SV2B: variants seen among roughly 807,000 people sequenced by gnomAD.
The protein encoded by SV2B is synaptic vesicle glycoprotein 2B, also known as solute carrier family 22 member B2.
Under a neutral mutation model 73.9 loss-of-function variants are expected in SV2B, and 41 were observed. The observed-to-expected ratio is 0.56, with a 90% confidence interval of 0.43 to 0.72. SV2B has a LOEUF of 0.72. SV2B is among the 30% of genes least tolerant of loss of function. The pLI is 0.00. For synonymous variants in SV2B, 314 were observed against 314.2 expected (o/e 1.00, Z 0.01); for missense variants, 764 against 857.8 (o/e 0.89, Z 1.37).
At chr15:91,276,761 T>C (rs553501943) in intron 9 of SV2B, among the ~76,000 whole-genome samples, 2 of 150,820 alleles carry the variant, frequency 1.3e-5, no homozygotes, top group Admixed American at 6.6e-5. Context: ...ATAATTATAT[T>C]AAATTCCCTG....
Position 91,281,752 on chromosome 15 carries a change from T to C in SV2B, c.1398T>C (p.His466=), listed in dbSNP as rs979086158. 1.9e-6 allele frequency: 3 copies of C among 1,611,442 alleles called. No individual in the cohort carries two copies. Among genetic ancestry groups the C allele is most frequent in the African/African-American group, 2.7e-5 (2 of 74,824 alleles). Residue 466 remains histidine, a synonymous_variant, in exon 10 of 13, where the codon CAT becomes CAC. Transcript: ENST00000394232. The surrounding 1 kb of genome is among the most constrained non-coding windows in gnomAD (Gnocchi z 4.7). ...GGTTCACAAGAATGTACTTTAAACATGTACTCTTTGAGGACACATTCTTTG... is the reference window on the plus strand; with the variant it reads ...GGTTCACAAGAATGTACTTTAAACACGTACTCTTTGAGGACACATTCTTTG... The part of the protein sequence containing the change: ...NDKFTRMYFK[H]VLFEDTFFDE...
At chr15:91,211,046 A>G (rs1028849464) in intron 1 of SV2B, among the ~76,000 whole-genome samples, 1 of 152,242 alleles carries the variant, frequency 6.6e-6, no homozygotes, top group Non-Finnish European at 1.5e-5. Context: ...GGGAGGGACG[A>G]CCAGAAAAGG....
At chr15:91,154,572 C>T (rs77710042) in intron 1 of SV2B, among the ~76,000 whole-genome samples, 3,982 of 152,168 alleles carry the variant, frequency 0.026, 200 homozygotes, top group African/African-American at 0.091. Flanking sequence ...TATTTAGATA[C>T]GGGGTTTTTG....
intron 1 of SV2B, among the ~76,000 whole-genome samples, chr15:91,182,596 C>T (rs1567322291): frequency 2.0e-5 from 3 of 152,114 alleles, no homozygotes; most frequent in Non-Finnish European, 4.4e-5. Context: ...TTACCAGGAG[C>T]CCACACAGCC....
chr15:91,190,705 G>A (rs751632267), intron 1 of SV2B, among the ~76,000 whole-genome samples: 18 of 152,154 alleles, frequency 1.2e-4, no homozygotes, highest in Non-Finnish European at 2.1e-4. Context: ...CTGGTACATT[G>A]TAGGATTTTG....
At chr15:91,212,151 G>T (rs1348635707) in intron 1 of SV2B, among the ~76,000 whole-genome samples, 1 of 152,206 alleles carries the variant, frequency 6.6e-6, no homozygotes. Flanking sequence ...AGGTAGATTT[G>T]TGCAACAGCA....
rs59849012 is a variant in SV2B at position 91,191,063 on chromosome 15, C to CTTTTTTTTTTTTTTTTTTTTTTTTTTT, written c.-391-34789_-391-34788insTTTTTTTTTTTTTTTTTTTTTTTTTTT. On this transcript the variant is annotated intron_variant, in intron 1 of 12. Coordinates refer to ENST00000394232, the MANE Select transcript of SV2B (RefSeq NM_001323032.3). ...TACCCTGGTGGTTTTTTTGGTGTTTCTTTTTTTTTTTTTTTTTTTTTGACA... is the reference window on the plus strand; with the variant it reads ...TACCCTGGTGGTTTTTTTGGTGTTTCTTTTTTTTTTTTTTTTTTTTTTTTTTTTTTTTTTTTTTTTTTTTTTTTGACA... Among the ~76,000 whole-genome samples, 48 of 64,240 alleles carry CTTTTTTTTTTTTTTTTTTTTTTTTTTT rather than the reference C, an allele frequency of 7.5e-4. 12 individuals are homozygous for CTTTTTTTTTTTTTTTTTTTTTTTTTTT. Among genetic ancestry groups the CTTTTTTTTTTTTTTTTTTTTTTTTTTT allele is most frequent in the South Asian group, 1.4e-3 (2 of 1,392 alleles). 42.1% of individuals were successfully genotyped at this position (64,240 alleles called of 152,430 possible).
chr15:91,175,283 C>A (rs1267917647), intron 1 of SV2B, among the ~76,000 whole-genome samples: 2 of 149,712 alleles, frequency 1.3e-5, no homozygotes, highest in African/African-American at 4.9e-5. Context: ...GAGATGGAGT[C>A]TCGCTGTGTA....
chr15:91,228,685 G>A (rs1311250687), intron 2 of SV2B, among the ~76,000 whole-genome samples: 1 of 152,188 alleles, frequency 6.6e-6, no homozygotes, highest in Non-Finnish European at 1.5e-5. Flanking sequence ...TAATCTGAGA[G>A]TCCAGGTTTT....
Position 91,251,993 on chromosome 15 carries a change from G to C in SV2B, c.626G>C (p.Gly209Ala), listed in dbSNP as rs766155861. The change falls in exon 3 of 13, where the codon GGC (glycine) becomes GCC (alanine). Residue 209 changes from glycine to alanine, a missense_variant. Gly to Ala is a moderately conservative substitution (Grantham distance 60). Transcript: ENST00000394232. ...TTCCTCTTCTGCCGACTCATCTCAG[G>C]CATCGGGTATGTTCTTAGGGAGGTG... ...GAFLFCRLIS[G>A]IGIGGALPIV... is the part of the protein sequence containing the mutation. 12 of 1,613,906 alleles carry C rather than the reference G, an allele frequency of 7.4e-6. No individual in the cohort carries two copies. The highest frequency in any genetic ancestry group is 1.6e-4 in the Middle Eastern group (1 of 6,078).
intron 9 of SV2B, among the ~76,000 whole-genome samples, chr15:91,271,030 G>GTT (rs1265799455): frequency 6.6e-6 from 1 of 150,404 alleles, no homozygotes; most frequent in African/African-American, 2.5e-5. Context: ...GTGGATGATC[G>GTT]GAGGACGGTG....
At chr15:91,169,752 G>C (rs576770796) in intron 1 of SV2B, among the ~76,000 whole-genome samples, 1 of 152,106 alleles carries the variant, frequency 6.6e-6, no homozygotes, top group Non-Finnish European at 1.5e-5. Context: ...AATGGGTAGC[G>C]GCGGAAGGGT....
intron 1 of SV2B, among the ~76,000 whole-genome samples, chr15:91,179,310 T>C (rs9672654): frequency 0.36 from 54,353 of 151,768 alleles, 10,180 homozygotes; most frequent in East Asian, 0.7. Flanking sequence ...GCTTTACTTC[T>C]ACCTATGTGG....
At chr15:91,183,081 A>G (rs964567006) in intron 1 of SV2B, among the ~76,000 whole-genome samples, 1 of 152,200 alleles carries the variant, frequency 6.6e-6, no homozygotes, top group South Asian at 2.1e-4. Flanking sequence ...ATGTAGTCCT[A>G]TACAATCAAA....
intron 1 of SV2B, among the ~76,000 whole-genome samples, chr15:91,199,038 A>C (rs1204232652): frequency 6.6e-6 from 1 of 152,252 alleles, no homozygotes; most frequent in South Asian, 2.1e-4. Flanking sequence ...TTTTTTAGAG[A>C]TGGGGTATCC....
Position 91,136,376 on chromosome 15 carries a change from G to T in SV2B, c.-392+36013G>T, listed in dbSNP as rs538301428. On this transcript the variant is annotated intron_variant, in intron 1 of 12. Transcript: ENST00000394232. This position sits in a 1 kb window ranked among gnomAD's most constrained non-coding sequence, Gnocchi z 5.6. ...CAGAATGTAAGGGGTCAGTTTGTGG[G>T]TGACTTACTCTCTAGGGGCCTTAGG... 1.5e-4 allele frequency among the ~76,000 whole-genome samples: 23 copies of T among 152,286 alleles called. No individual in the cohort carries two copies. The highest frequency in any genetic ancestry group is 1.4e-3 in the Admixed American group (22 of 15,308).
Position 91,209,702 on chromosome 15 carries a change from G to C in SV2B, c.-391-16171G>C, listed in dbSNP as rs369952958. ...CTCTGCCTCTCTCCAGGGGTATGAC[G>C]TTGGGCAAATCTCTTGGCCTTTCTC... On this transcript the variant is annotated intron_variant, in intron 1 of 12. Coordinates refer to ENST00000394232, the MANE Select transcript of SV2B (RefSeq NM_001323032.3). 1.4e-3 allele frequency among the ~76,000 whole-genome samples: 210 copies of C among 152,278 alleles called. 1 individual carries two copies. Among genetic ancestry groups the C allele is most frequent in the African/African-American group, 4.9e-3 (204 of 41,550 alleles).
intron 1 of SV2B, among the ~76,000 whole-genome samples, chr15:91,158,999 C>T (rs74038083): frequency 0.12 from 17,689 of 151,866 alleles, 1,343 homozygotes; most frequent in South Asian, 0.22. Context: ...AATGAGGCTG[C>T]TTAAAGGCAG....
chr15:91,197,490 C>T lies in SV2B; in HGVS notation c.-391-28383C>T, dbSNP rs1383712477. On this transcript the variant is annotated intron_variant, in intron 1 of 12. Transcript: ENST00000394232. This position sits in a 1 kb window ranked among gnomAD's most constrained non-coding sequence, Gnocchi z 4.9. ...CCACCTGCCTCGGCCTCCCATAGTG[C>T]TGGGATTACAGGCGTGAGCCACCGC... Among the ~76,000 whole-genome samples, 1 of 151,260 alleles carries T rather than the reference C, an allele frequency of 6.6e-6. No individual in the cohort carries two copies. The highest frequency in any genetic ancestry group is 2.0e-4 in the East Asian group (1 of 5,054).
Sources: gnomAD v4.1 joint callset for allele counts (sites outside exome capture counted in the v4.1 genomes callset) on GRCh38, gnomAD v4.1.1 for gene constraint, Gnocchi (gnomAD v3.1) non-coding constraint, MANE v1.5 for transcripts, NCBI Gene and HGNC (gene_info 2026-07-23, HGNC 2026-07-21) for gene names.